Variants in GLRA2 observed in about 807,000 individuals in gnomAD.
GLRA2 encodes the protein glycine receptor alpha 2, also known as glycine receptor subunit alpha-2.
GLRA2 carries 11 observed loss-of-function variants against 31.6 expected under a neutral mutation model. The observed-to-expected ratio is 0.35, with a 90% CI of 0.22 to 0.58. The LOEUF is 0.58. Among genes scored for constraint, GLRA2 ranks in the 20% least tolerant of loss-of-function variants. The probability of loss-of-function intolerance (pLI) is 0.84; values close to 1 mark genes in which losing one functional copy is unlikely to be tolerated. For missense variants in GLRA2, 212 were observed against 351.8 expected (o/e 0.60, Z 3.18); for synonymous variants, 132 against 134.0 (o/e 0.99, Z 0.10).
chrX:14,608,933 A>G, intron 6 of GLRA2, 58 bp from the exon 7 acceptor site: 2 of 575,767 alleles, frequency 3.5e-6, no homozygotes, highest in Non-Finnish European at 5.9e-6. Flanking sequence ...AACGTGGGAT[A>G]ATGGAATTGG....
intron 7 of GLRA2, among the ~76,000 whole-genome samples, chrX:14,626,667 A>G (rs1478928037): frequency 1.8e-5 from 2 of 111,966 alleles, no homozygotes; most frequent in East Asian, 5.6e-4. Context: ...CCAACCAGGT[A>G]TAAGACATTA....
chrX:14,717,444 T>C (rs1196831355), intron 8 of GLRA2, among the ~76,000 whole-genome samples: 1 of 111,229 alleles, frequency 9.0e-6, no homozygotes, highest in Non-Finnish European at 1.9e-5. Context: ...CATTTTAAAT[T>C]GAAATAATTA....
intron 7 of GLRA2, among the ~76,000 whole-genome samples, chrX:14,617,833 G>C (rs1309807012): frequency 8.9e-6 from 1 of 111,782 alleles, no homozygotes; most frequent in East Asian, 2.8e-4. Context: ...TACATCTTGG[G>C]GTAGTTTGTT....
intron 2 of GLRA2, among the ~76,000 whole-genome samples, chrX:14,563,983 C>G (rs1467905509): frequency 1.8e-5 from 2 of 110,504 alleles, no homozygotes; most frequent in Non-Finnish European, 3.8e-5. Flanking sequence ...ATCAAATAGA[C>G]CAATATACAC....
chrX:14,609,348 T>C (rs1373642862), intron 7 of GLRA2, 143 bp downstream of exon 7: 4 of 397,178 alleles, frequency 1.0e-5, no homozygotes, highest in Non-Finnish European at 1.7e-5. Flanking sequence ...GAAGCTGAGT[T>C]TGAGAGAATC....
chrX:14,528,993 G>A (rs1178029247), upstream of GLRA2, among the ~76,000 whole-genome samples: 1 of 111,166 alleles, frequency 9.0e-6, no homozygotes, highest in Admixed American at 9.6e-5. Flanking sequence ...AAAAAGGCGA[G>A]GAAGGCATAA....
At chrX:14,581,959 C>T (rs1010737121) in intron 4 of GLRA2, among the ~76,000 whole-genome samples, 2 of 111,168 alleles carry the variant, frequency 1.8e-5, no homozygotes, top group African/African-American at 6.5e-5. Context: ...TTGCTGAGAT[C>T]CATTTTTGCT....
intron 7 of GLRA2, among the ~76,000 whole-genome samples, chrX:14,619,385 A>G (rs2090490576): frequency 9.0e-6 from 1 of 110,936 alleles, no homozygotes; most frequent in South Asian, 3.9e-4. Context: ...ACTATGGTGA[A>G]CAATTCATAA....
chrX:14,719,044 C>T (rs188985268), intron 8 of GLRA2, among the ~76,000 whole-genome samples: 8 of 111,913 alleles, frequency 7.1e-5, no homozygotes, highest in East Asian at 5.6e-4. Context: ...CCACCCTCTT[C>T]GCACAACAAT....
At position 14,559,639 on chromosome X, in the gene GLRA2, A is replaced by G. The variant is rs764895888; in HGVS notation, c.203-14694A>G. 7.4e-5 allele frequency among the ~76,000 whole-genome samples: 8 copies of G among 107,899 alleles called. No individual in the cohort carries two copies. In the South Asian group the frequency reaches 2.1e-3, roughly 28 times the overall value. The allele number at this position is 107,899 out of a possible 115,157, so 93.7% of individuals were successfully genotyped here. A position where few individuals can be genotyped will look rare whatever the true frequency, so the allele number is the denominator to read the frequency against. The stretch of plus-strand genomic sequence containing the variant: ...TTGCCATGTTGACCAGGCTGGTCTC[A>G]AACTCCTGTCCTCAGGTGATCCACC... On this transcript the variant is annotated intron_variant, in intron 2 of 8. Transcript: ENST00000218075.
At chrX:14,702,200 T>G (rs767755831) in intron 8 of GLRA2, among the ~76,000 whole-genome samples, 3 of 111,635 alleles carry the variant, frequency 2.7e-5, no homozygotes, top group Non-Finnish European at 5.6e-5. Context: ...GCATGGGGCC[T>G]AAAAGGAAGG....
In GLRA2 at chrX:14,671,364, G is replaced by C. The variant is rs144866408; in HGVS notation, c.931-19346G>C. 6.3e-3 allele frequency among the ~76,000 whole-genome samples: 711 copies of C among 112,113 alleles called. 4 individuals carry two copies. Among genetic ancestry groups the C allele is most frequent in the Non-Finnish European group, 0.011 (581 of 53,235 alleles). ...ACCCTGTGACAAGCATTTGGATGCA[G>C]TTTATTTGAAAGATGGTGACAAGAA... On this transcript the variant is annotated intron_variant, in intron 7 of 8. Coordinates refer to ENST00000218075, the MANE Select transcript of GLRA2 (RefSeq NM_002063.4).
chrX:14,691,281 G>C (rs1320188652), intron 8 of GLRA2, among the ~76,000 whole-genome samples: 2 of 49,432 alleles, frequency 4.0e-5, no homozygotes, highest in Non-Finnish European at 8.2e-5. Context: ...CTGTGTGTGT[G>C]TGTGTGTGTG....
chrX:14,602,352 G>GT (rs751373403), intron 4 of GLRA2, among the ~76,000 whole-genome samples: 2 of 104,217 alleles, frequency 1.9e-5, no homozygotes, highest in Admixed American at 1.0e-4. Flanking sequence ...TGTACAAACC[G>GT]TTGTTTGTTT....
chrX:14,605,453 AT>A (rs1208653061), intron 5 of GLRA2, among the ~76,000 whole-genome samples: 2 of 111,213 alleles, frequency 1.8e-5, no homozygotes, highest in African/African-American at 6.5e-5. Context: ...TTATGTATTC[AT>A]TTTTTTCCTT....
intron 8 of GLRA2, among the ~76,000 whole-genome samples, chrX:14,696,570 G>C (rs1257355970): frequency 9.0e-6 from 1 of 111,538 alleles, no homozygotes; most frequent in Non-Finnish European, 1.9e-5. Flanking sequence ...GGTTGACAGG[G>C]AAATGGATGC....
At chrX:14,505,266 C>T in the GLRA2 span, among the ~76,000 whole-genome samples, 1 of 111,803 alleles carries the variant, frequency 8.9e-6, no homozygotes, top group Non-Finnish European at 1.9e-5. Context: ...CCTAGAATTT[C>T]CGAAACAAAT....
the GLRA2 span, among the ~76,000 whole-genome samples, chrX:14,489,764 C>T: frequency 7.1e-5 from 8 of 112,300 alleles, no homozygotes; most frequent in African/African-American, 1.9e-4. Flanking sequence ...AAGGATTTGT[C>T]GCTTTGTCAC....
chrX:14,674,991 A>G (rs1196771189), intron 7 of GLRA2, among the ~76,000 whole-genome samples: 1 of 112,231 alleles, frequency 8.9e-6, no homozygotes, highest in Non-Finnish European at 1.9e-5. Context: ...GATAATAAAC[A>G]TACATCACTT....
Sources: gnomAD v4.1 joint callset for allele counts (sites outside exome capture counted in the v4.1 genomes callset) on GRCh38, gnomAD v4.1.1 for gene constraint, MANE v1.5 for transcripts, NCBI Gene and HGNC (gene_info 2026-07-23, HGNC 2026-07-21) for gene names.